The following ITGB5 variants were observed in gnomAD, a reference collection of about 807,000 sequenced individuals.
ITGB5 encodes the protein integrin beta-5.
Under a neutral mutation model 84.8 loss-of-function variants are expected in ITGB5, and 38 were observed. The observed-to-expected ratio is 0.45, with a 90% CI of 0.35 to 0.59. The LOEUF (loss-of-function observed/expected upper bound fraction) is 0.59. ITGB5 is among the 20% of genes least tolerant of loss of function. ITGB5 has a pLI of 0.01. For missense variants in ITGB5, 905 were observed against 1,034.5 expected, an observed-to-expected ratio of 0.87 and a Z score of 1.72; for synonymous variants, 393 against 414.4, an observed-to-expected ratio of 0.95 and a Z score of 0.63.
chr3:124,873,371 G>C (rs1419828734), intron 2 of ITGB5, 75 bp downstream of exon 2: 2 of 945,250 alleles, frequency 2.1e-6, no homozygotes, highest in African/African-American at 3.2e-5. Flanking sequence ...TTAGTGTGTT[G>C]TGGTGTTGGC....
At chr3:124,813,160 A>G (rs560829080) in intron 8 of ITGB5, among the ~76,000 whole-genome samples, 1 of 152,278 alleles carries the variant, frequency 6.6e-6, no homozygotes, top group South Asian at 2.1e-4. Context: ...AAGTTGGGAA[A>G]AGTCCAAGTG....
At chr3:124,810,468 G>A in intron 8 of ITGB5, among the ~76,000 whole-genome samples, 1 of 152,090 alleles carries the variant, frequency 6.6e-6, no homozygotes, top group East Asian at 1.9e-4. Context: ...AATTGTCCTT[G>A]TGACACATGC....
intron 10 of ITGB5, among the ~76,000 whole-genome samples, chr3:124,793,256 T>C (rs1414062027): frequency 6.6e-6 from 1 of 152,170 alleles, no homozygotes; most frequent in Non-Finnish European, 1.5e-5. Flanking sequence ...CCAGGCTGCA[T>C]GGACACACGC....
chr3:124,766,603 G>A (rs1279221112), intron 12 of ITGB5, among the ~76,000 whole-genome samples: 4 of 152,198 alleles, frequency 2.6e-5, no homozygotes, highest in Non-Finnish European at 5.9e-5. Context: ...AGTGTTAGTC[G>A]GGGGTGATGT....
intron 2 of ITGB5, among the ~76,000 whole-genome samples, chr3:124,870,285 A>G (rs903351434): frequency 6.6e-6 from 1 of 152,240 alleles, no homozygotes; most frequent in African/African-American, 2.4e-5. Context: ...GGTTATAAAT[A>G]CTAAAGAAGC....
At chr3:124,843,534 G>A (rs1458989269) in intron 4 of ITGB5, among the ~76,000 whole-genome samples, 2 of 152,214 alleles carry the variant, frequency 1.3e-5, no homozygotes, top group Non-Finnish European at 2.9e-5. Flanking sequence ...AAGAATGACT[G>A]TTAAGTAGTT....
At chr3:124,865,765 G>A (rs2065380318) in intron 2 of ITGB5, among the ~76,000 whole-genome samples, 1 of 151,968 alleles carries the variant, frequency 6.6e-6, no homozygotes, top group Non-Finnish European at 1.5e-5. Flanking sequence ...TGGGATTATA[G>A]GCGTGAGCCA....
chr3:124,852,808 C>T (rs1409890083), intron 3 of ITGB5, among the ~76,000 whole-genome samples: 1 of 152,074 alleles, frequency 6.6e-6, no homozygotes, highest in Non-Finnish European at 1.5e-5. Context: ...CCACCTCAGC[C>T]TCCCAAGTAG....
At chr3:124,851,641 A>ACACG (rs1553764710) in intron 3 of ITGB5, among the ~76,000 whole-genome samples, 2 of 150,678 alleles carry the variant, frequency 1.3e-5, no homozygotes, top group Non-Finnish European at 3.0e-5. Flanking sequence ...ACACACACAC[A>ACACG]CGCACACATC....
chr3:124,781,136 AC>A (rs1302799547), intron 10 of ITGB5: 19 of 151,778 alleles, frequency 1.3e-4, no homozygotes, highest in African/African-American at 4.1e-4. Flanking sequence ...TCGGTGACAG[AC>A]CTGCTTGGCG....
Position 124,773,639 on chromosome 3 carries a change from C to A in ITGB5, c.1916+51G>T, listed in dbSNP as rs370556545. 2.6e-6 allele frequency: 4 copies of A among 1,568,420 alleles called. No homozygotes were observed. In the African/African-American group the frequency reaches 5.4e-5, roughly 21 times the overall value. ...CCCTGAGGGCTGCCTGGCTGGACCA[C>A]AGGCCTGGCCTGGGTGAGAAGTAAG... On this transcript the variant is annotated intron_variant, in intron 11 of 14. Transcript: ENST00000296181.
At chr3:124,763,770 C>A in intron 14 of ITGB5, 52 bp from the exon 15 acceptor site, 1 of 1,079,900 alleles carries the variant, frequency 9.3e-7, no homozygotes, top group South Asian at 1.3e-5. Context: ...CTCACACACT[C>A]AAACCGACAG....
chr3:124,775,539 GT>G (rs777822940), intron 10 of ITGB5, among the ~76,000 whole-genome samples: 2 of 152,190 alleles, frequency 1.3e-5, no homozygotes, highest in Non-Finnish European at 2.9e-5. Flanking sequence ...GCAGAACGCA[GT>G]GCTACAATTG....
At chr3:124,867,524 A>G (rs2065410927) in intron 2 of ITGB5, among the ~76,000 whole-genome samples, 2 of 152,106 alleles carry the variant, frequency 1.3e-5, no homozygotes. Flanking sequence ...AGCCTTGCCC[A>G]CTTCTCCCAA....
At chr3:124,856,389 A>G (rs2065222985) in intron 3 of ITGB5, among the ~76,000 whole-genome samples, 1 of 152,228 alleles carries the variant, frequency 6.6e-6, no homozygotes, top group South Asian at 2.1e-4. Context: ...GCCACCATAA[A>G]GGATACTTCT....
In ITGB5 at chr3:124,797,367, G is replaced by A. The variant is rs848789; in HGVS notation, c.1264-550C>T. 8.9e-3 allele frequency among the ~76,000 whole-genome samples: 1,351 copies of A among 152,198 alleles called. 19 individuals carry two copies. Among genetic ancestry groups the A allele is most frequent in the African/African-American group, 0.031 (1,274 of 41,500 alleles). On this transcript the variant is annotated intron_variant, in intron 9 of 14. Transcript: ENST00000296181. ...AAGGGCTCAGCTGACTCCAGAGCTT[G>A]CTCTCCAGACACCCCCGAGTCCCCC...
intron 1 of ITGB5, among the ~76,000 whole-genome samples, chr3:124,879,730 G>A (rs1212096836): frequency 2.6e-5 from 4 of 152,156 alleles, no homozygotes; most frequent in African/African-American, 9.7e-5. Flanking sequence ...ACATCGCTAA[G>A]TTAAAAATAA....
chr3:124,821,623 T>C, intron 5 of ITGB5, 149 bp from the exon 6 acceptor site: 1 of 826,896 alleles, frequency 1.2e-6, no homozygotes, highest in African/African-American at 1.7e-5. Context: ...ACAAAACCAC[T>C]GGGGAGGGAT....
intron 5 of ITGB5, among the ~76,000 whole-genome samples, chr3:124,824,423 A>G (rs1479047481): frequency 6.6e-6 from 1 of 152,238 alleles, no homozygotes; most frequent in Non-Finnish European, 1.5e-5. Context: ...ACCTAAAGCT[A>G]TAAAACTTCT....
Sources: gnomAD v4.1 joint callset for allele counts (sites outside exome capture counted in the v4.1 genomes callset) on GRCh38, gnomAD v4.1.1 for gene constraint, MANE v1.5 for transcripts, NCBI Gene and HGNC (gene_info 2026-07-23, HGNC 2026-07-21) for gene names.